The following EPB41L4B variants were observed in gnomAD, a reference collection of about 807,000 sequenced individuals.
EPB41L4B encodes the protein erythrocyte membrane protein band 4.1 like 4B.
EPB41L4B carries 30 observed loss-of-function variants against 112.5 expected under a neutral mutation model. The observed-to-expected ratio is 0.27, with a 90% CI of 0.20 to 0.36. The LOEUF is 0.36. Among genes scored for constraint, EPB41L4B ranks in the 10% least tolerant of loss-of-function variants. The probability of loss-of-function intolerance (pLI) is 1.00; values close to 1 mark genes in which losing one functional copy is unlikely to be tolerated. For missense variants in EPB41L4B, 1,024 were observed against 1,133.3 expected, an observed-to-expected ratio of 0.90 and a Z score of 1.38; for synonymous variants, 408 against 439.7, an observed-to-expected ratio of 0.93 and a Z score of 0.90.
chr9:109,241,351 T>C, intron 15 of EPB41L4B: 2 of 1,073,944 alleles, frequency 1.9e-6, no homozygotes, highest in Non-Finnish European at 2.3e-6. Context: ...TTGCTCCCAT[T>C]AATTAAATAA....
At chr9:109,233,507 T>C (rs773774536) in intron 15 of EPB41L4B, among the ~76,000 whole-genome samples, 7 of 151,840 alleles carry the variant, frequency 4.6e-5, no homozygotes, top group Admixed American at 1.3e-4. Flanking sequence ...TGCTGACTGT[T>C]ACCTGAATTT....
intron 12 of EPB41L4B, 135 bp from the exon 13 acceptor site, chr9:109,251,646 G>A (rs1834792142): frequency 1.3e-6 from 1 of 798,184 alleles, no homozygotes; most frequent in Non-Finnish European, 2.2e-6. Flanking sequence ...GAACTGCATG[G>A]TGGCTACTTC....
At chr9:109,215,724 G>A (rs186015270) in intron 16 of EPB41L4B, among the ~76,000 whole-genome samples, 139 of 152,216 alleles carry the variant, frequency 9.1e-4, no homozygotes, top group African/African-American at 3.2e-3. Context: ...CTTTGGTAAC[G>A]TATAATAAAA....
At chr9:109,253,655 A>C in intron 11 of EPB41L4B, 105 bp from the exon 12 acceptor site, 1 of 749,072 alleles carries the variant, frequency 1.3e-6, no homozygotes, top group Non-Finnish European at 2.4e-6. Flanking sequence ...CGTACGTTTC[A>C]ACTTAGCCTG....
At chr9:109,230,172 C>T (rs1833906910) in intron 15 of EPB41L4B, among the ~76,000 whole-genome samples, 1 of 152,124 alleles carries the variant, frequency 6.6e-6, no homozygotes, top group African/African-American at 2.4e-5. Context: ...GAAGAAAGGA[C>T]AATTATTATT....
rs193240478 is a variant in EPB41L4B, at chr9:109,255,577, C to A, written c.1103G>T (p.Arg368Leu). 1.2e-6 allele frequency: 2 copies of A among 1,614,164 alleles called. 1 individual carries two copies. The highest frequency in any genetic ancestry group is 3.3e-5 in the Admixed American group (2 of 60,022). The change falls in exon 11 of 26, where the codon CGG becomes CTG. Residue 368 changes from arginine (R) to leucine (L), a missense_variant. Transcript: ENST00000374566. ...AVEHHAFFRL[R>L]TPGNSKSNRS... ...ATTGGATTTGCTGTTTCCTGGCGTCCGCAGTCGGAAGAATGCGTGGTGCTC... is the reference window on the plus strand; with the variant it reads ...ATTGGATTTGCTGTTTCCTGGCGTCAGCAGTCGGAAGAATGCGTGGTGCTC...
At chr9:109,240,148 G>C (rs1834302540) in intron 15 of EPB41L4B, 1 of 984,806 alleles carries the variant, frequency 1.0e-6, no homozygotes, top group African/African-American at 1.7e-5. Flanking sequence ...AATGAAGATG[G>C]AGTCAAAAAA....
At chr9:109,203,115 C>A (rs1311882625) in intron 19 of EPB41L4B, among the ~76,000 whole-genome samples, 1 of 152,228 alleles carries the variant, frequency 6.6e-6, no homozygotes, top group African/African-American at 2.4e-5. Context: ...GATCGCACCA[C>A]TGCACTCCAG....
chr9:109,178,991 T>G (rs1831952585), intron 24 of EPB41L4B, among the ~76,000 whole-genome samples: 2 of 128,698 alleles, frequency 1.6e-5, no homozygotes, highest in South Asian at 4.6e-4. Context: ...CCTAAGTATC[T>G]GTTTTTTAAT....
chr9:109,307,118 T>C, intron 1 of EPB41L4B: 1 of 288,964 alleles, frequency 3.5e-6, no homozygotes, highest in Non-Finnish European at 6.9e-6. Context: ...AAAACTTACC[T>C]ATGTGGAAGA....
Position 109,203,245 on chromosome 9 carries a change from G to T in EPB41L4B, c.1946+418C>A, listed in dbSNP as rs555145137. 4.2e-4 allele frequency among the ~76,000 whole-genome samples: 64 copies of T among 152,318 alleles called. No homozygotes were observed. The South Asian group carries it at 0.012, about 29-fold the overall frequency. ...CTCAGCAGGCAGGGCACATCAATGGGCCAAGGGAAGCTGGCCCAAGTCCAA... is the reference window on the plus strand; with the variant it reads ...CTCAGCAGGCAGGGCACATCAATGGTCCAAGGGAAGCTGGCCCAAGTCCAA... On this transcript the variant is annotated intron_variant, in intron 19 of 25. Transcript: ENST00000374566.
intron 19 of EPB41L4B, 52 bp downstream of exon 19, chr9:109,203,611 T>C: frequency 7.2e-7 from 1 of 1,392,122 alleles, no homozygotes. Context: ...TCAAGGATAA[T>C]GTTGATGATA....
At chr9:109,246,117 C>G (rs963837338) in intron 14 of EPB41L4B, among the ~76,000 whole-genome samples, 2 of 152,158 alleles carry the variant, frequency 1.3e-5, no homozygotes, top group African/African-American at 2.4e-5. Context: ...ATTCAAGAAC[C>G]CTGGCCGGGC....
At chr9:109,257,647 C>T (rs1256482578) in intron 7 of EPB41L4B, among the ~76,000 whole-genome samples, 1 of 152,122 alleles carries the variant, frequency 6.6e-6, no homozygotes, top group African/African-American at 2.4e-5. Context: ...CAGAACCAGG[C>T]TCTGTTTGCA....
At chr9:109,255,998 A>G in intron 9 of EPB41L4B, 138 bp downstream of exon 9, 1 of 1,142,608 alleles carries the variant, frequency 8.8e-7, no homozygotes, top group East Asian at 2.4e-5. Context: ...CGCAACTGCC[A>G]CAGACCCACA....
chr9:109,312,256 T>C (rs888279236), intron 1 of EPB41L4B, among the ~76,000 whole-genome samples: 7 of 152,168 alleles, frequency 4.6e-5, no homozygotes, highest in Admixed American at 1.3e-4. Context: ...TGCAGCAGGA[T>C]AGGAATATGA....
intron 15 of EPB41L4B, among the ~76,000 whole-genome samples, chr9:109,221,732 G>A (rs190088309): frequency 7.7e-4 from 117 of 152,316 alleles, no homozygotes; most frequent in African/African-American, 2.6e-3. Context: ...AATTATGATC[G>A]ACCATCACGT....
chr9:109,257,679 T>G (rs1835033473), intron 7 of EPB41L4B, among the ~76,000 whole-genome samples: 1 of 151,982 alleles, frequency 6.6e-6, no homozygotes, highest in Admixed American at 6.6e-5. Flanking sequence ...GGAGTGTGGT[T>G]TGGTTCTTGC....
chr9:109,177,418 A>G (rs559637011), intron 24 of EPB41L4B, among the ~76,000 whole-genome samples: 2 of 152,346 alleles, frequency 1.3e-5, no homozygotes, highest in Admixed American at 1.3e-4. Context: ...CTTCAGAACT[A>G]CTGGTCTAGA....
Sources: allele counts gnomAD v4.1 joint callset (sites outside exome capture counted in the v4.1 genomes callset), GRCh38; gene constraint gnomAD v4.1.1; transcripts MANE v1.5; gene names NCBI Gene and HGNC (gene_info 2026-07-23, HGNC 2026-07-21).